Variants in ABTB3 observed in about 807,000 individuals in gnomAD.
The protein encoded by ABTB3 is ankyrin repeat- and BTB/POZ domain-containing protein 3.
chr12:107,529,185 ATGATGG>A, the ABTB3 span, among the ~76,000 whole-genome samples: 1 of 150,092 alleles, frequency 6.7e-6, no homozygotes, highest in Non-Finnish European at 1.5e-5. Flanking sequence ...GATGGTGATG[ATGATGG>A]TGATGGTGAT....
the ABTB3 span, among the ~76,000 whole-genome samples, chr12:107,622,007 G>A: frequency 4.6e-5 from 7 of 152,184 alleles, no homozygotes; most frequent in South Asian, 4.2e-4. Flanking sequence ...TTGGGAGGCC[G>A]AGGTGGGAGG....
chr12:107,370,186 A>G, the ABTB3 span, among the ~76,000 whole-genome samples: 1 of 152,236 alleles, frequency 6.6e-6, no homozygotes, highest in Non-Finnish European at 1.5e-5. Flanking sequence ...GGAACACATT[A>G]TTCCTGATCC....
At chr12:107,377,904 C>A in the ABTB3 span, among the ~76,000 whole-genome samples, 4 of 152,128 alleles carry the variant, frequency 2.6e-5, no homozygotes, top group African/African-American at 9.7e-5. Flanking sequence ...TTGTTTTAAT[C>A]CCCTCGTAGT....
the ABTB3 span, among the ~76,000 whole-genome samples, chr12:107,449,413 T>C: frequency 6.6e-6 from 1 of 152,202 alleles, no homozygotes; most frequent in Admixed American, 6.5e-5. Flanking sequence ...TGTAGAACTC[T>C]AAGCTCTTGC....
chr12:107,651,476 C>T, the ABTB3 span, among the ~76,000 whole-genome samples: 1 of 151,972 alleles, frequency 6.6e-6, no homozygotes, highest in Non-Finnish European at 1.5e-5. Flanking sequence ...CCCTCCCGCT[C>T]CCCCGTCTTC....
At chr12:107,484,404 G>T in the ABTB3 span, among the ~76,000 whole-genome samples, 1 of 152,202 alleles carries the variant, frequency 6.6e-6, no homozygotes, top group East Asian at 1.9e-4. Context: ...GCAAGTTAAA[G>T]TAGGAGTTCA....
the ABTB3 span, among the ~76,000 whole-genome samples, chr12:107,337,280 G>T: frequency 6.6e-6 from 1 of 152,266 alleles, no homozygotes; most frequent in Non-Finnish European, 1.5e-5. Flanking sequence ...TGGCAGGCAA[G>T]TGAGTCTAGT....
chr12:107,646,158 C>T, the ABTB3 span, among the ~76,000 whole-genome samples: 1 of 152,258 alleles, frequency 6.6e-6, no homozygotes, highest in African/African-American at 2.4e-5. Context: ...CCATTTGAAT[C>T]CCTGCTTCAT....
the ABTB3 span, among the ~76,000 whole-genome samples, chr12:107,605,203 A>G: frequency 1.3e-5 from 2 of 152,364 alleles, no homozygotes; most frequent in South Asian, 4.1e-4. Context: ...TAGATCATTC[A>G]TGGCTCACCT....
the ABTB3 span, among the ~76,000 whole-genome samples, chr12:107,378,463 A>G: frequency 6.6e-6 from 1 of 152,178 alleles, no homozygotes; most frequent in Non-Finnish European, 1.5e-5. Flanking sequence ...ATACTGTCCT[A>G]TTTTATACAT....
the ABTB3 span, among the ~76,000 whole-genome samples, chr12:107,551,750 A>ATCT: frequency 6.9e-6 from 1 of 144,252 alleles, no homozygotes; most frequent in Admixed American, 7.1e-5. Context: ...GTGGGTTATA[A>ATCT]TCTTCTTTTT....
the ABTB3 span, among the ~76,000 whole-genome samples, chr12:107,331,620 T>G: frequency 6.6e-6 from 1 of 151,560 alleles, no homozygotes; most frequent in Non-Finnish European, 1.5e-5. Context: ...AGGGATGGGG[T>G]GGGTAAGAGT....
At chr12:107,452,100 AATT>A in the ABTB3 span, among the ~76,000 whole-genome samples, 7 of 152,128 alleles carry the variant, frequency 4.6e-5, no homozygotes, top group Non-Finnish European at 1.0e-4. Flanking sequence ...TTCGGTCAGC[AATT>A]ATTGAGCACT....
chr12:107,541,282 T>C, the ABTB3 span, among the ~76,000 whole-genome samples: 4 of 152,326 alleles, frequency 2.6e-5, no homozygotes, highest in Non-Finnish European at 5.9e-5. Flanking sequence ...CGTTGAAAGG[T>C]ACAGCAGGAT....
At chr12:107,614,921 T>C in the ABTB3 span, 1 of 659,164 alleles carries the variant, frequency 1.5e-6, no homozygotes, top group African/African-American at 1.8e-5. Context: ...CTGCCCTGTA[T>C]CACCAGCTCT....
chr12:107,463,865 A>G, the ABTB3 span, among the ~76,000 whole-genome samples: 6 of 152,230 alleles, frequency 3.9e-5, no homozygotes, highest in East Asian at 1.2e-3. Context: ...TTTAGAGAAC[A>G]CCATTCCTGC....
chr12:107,340,253 T>C, the ABTB3 span, among the ~76,000 whole-genome samples: 1 of 152,226 alleles, frequency 6.6e-6, no homozygotes, highest in African/African-American at 2.4e-5. Flanking sequence ...GCCCAAGAAC[T>C]GAGTTGCTTA....
chr12:107,393,337 G>GCACT, the ABTB3 span, among the ~76,000 whole-genome samples: 32 of 149,564 alleles, frequency 2.1e-4, no homozygotes, highest in East Asian at 1.1e-3. Context: ...ATCAGGCAGG[G>GCACT]TGGGGGTGGG....
At chr12:107,568,907 A>G in the ABTB3 span, among the ~76,000 whole-genome samples, 2 of 152,210 alleles carry the variant, frequency 1.3e-5, no homozygotes, top group Non-Finnish European at 2.9e-5. Context: ...TTCTGACTCA[A>G]TGCACGAATC....
Sources: gnomAD v4.1 joint callset for allele counts (sites outside exome capture counted in the v4.1 genomes callset) on GRCh38, gnomAD v4.1.1 for gene constraint, MANE v1.5 for transcripts, NCBI Gene and HGNC (gene_info 2026-07-23, HGNC 2026-07-21) for gene names.